PRKAR1A: variants seen among roughly 807,000 people sequenced by gnomAD.
PRKAR1A encodes cAMP-dependent protein kinase type I-alpha regulatory subunit.
Under a neutral mutation model 52.0 loss-of-function variants are expected in PRKAR1A, and 3 were observed. The observed-to-expected ratio is 0.06, with a 90% CI of 0.03 to 0.15. The LOEUF (loss-of-function observed/expected upper bound fraction) is 0.15, where lower values mean the gene tolerates loss of function less well. Ranked by LOEUF, PRKAR1A falls within the 10% of genes least tolerant of loss-of-function variation. PRKAR1A has a pLI of 1.00. For synonymous variants in PRKAR1A, 188 were observed against 168.4 expected (o/e 1.12, Z -0.90); for missense variants, 240 against 477.4 (o/e 0.50, Z 4.63).
the PRKAR1A span, among the ~76,000 whole-genome samples, chr17:68,452,112 G>C: frequency 6.6e-6 from 1 of 152,184 alleles, no homozygotes; most frequent in Non-Finnish European, 1.5e-5. Flanking sequence ...AAATAAGGAA[G>C]TCACATTTCT....
At chr17:68,451,028 T>C in the PRKAR1A span, 1 of 1,294,132 alleles carries the variant, frequency 7.7e-7, no homozygotes, top group Admixed American at 3.0e-5. Context: ...AGGCGCCCTC[T>C]CTGAGCTTGC....
chr17:68,441,401 G>T, the PRKAR1A span, among the ~76,000 whole-genome samples: 2 of 152,232 alleles, frequency 1.3e-5, no homozygotes, highest in Non-Finnish European at 2.9e-5. Flanking sequence ...TTTGTGTGCT[G>T]AAGACAATTA....
the PRKAR1A span, chr17:68,435,614 A>G: frequency 6.2e-7 from 1 of 1,613,858 alleles, no homozygotes; most frequent in South Asian, 1.1e-5. Flanking sequence ...GTGGGAGTGG[A>G]CTCACTTTTT....
chr17:68,486,835 G>T, the PRKAR1A span, among the ~76,000 whole-genome samples: 16 of 151,246 alleles, frequency 1.1e-4, no homozygotes, highest in Admixed American at 1.1e-3. Flanking sequence ...AGTGTTAATG[G>T]GTATACTAAT....
At position 68,528,910 on chromosome 17, in the gene PRKAR1A, A is replaced by G. The variant is rs778165219; in HGVS notation, c.810A>G (p.Ala270=). The G allele has an allele frequency of 5.0e-6, 8 of 1,613,932 alleles. No homozygotes were observed. Among genetic ancestry groups the G allele is most frequent in the Admixed American group, 1.7e-5 (1 of 59,996 alleles). Residue 270 remains alanine (A), a synonymous_variant, in exon 9 of 11, where the codon GCA becomes GCG. Transcript: ENST00000589228. ...GGGAACGTCTTACGGTAGCTGATGC[A>G]TTGGAACCAGTGCAGTTTGAAGATG... ...DKWERLTVAD[A]LEPVQFEDGQ...
downstream of PRKAR1A, chr17:68,535,654 T>A (rs2086076532): frequency 2.2e-6 from 1 of 449,488 alleles, no homozygotes; most frequent in Non-Finnish European, 4.4e-6. Context: ...TGTTAAAGAG[T>A]TGATTTAAAA....
At chr17:68,504,948 T>G in the PRKAR1A span, among the ~76,000 whole-genome samples, 2 of 152,122 alleles carry the variant, frequency 1.3e-5, no homozygotes, top group African/African-American at 4.8e-5. Flanking sequence ...ACATACACCT[T>G]CTATGTACCC....
the PRKAR1A span, chr17:68,457,221 A>G: frequency 1.6e-5 from 19 of 1,211,782 alleles, no homozygotes; most frequent in Non-Finnish European, 2.2e-5. Context: ...TCCGAAGCAG[A>G]CACCGGCCCT....
chr17:68,527,776 CATAG>C, intron 7 of PRKAR1A, 60 bp from the exon 8 acceptor site: 1 of 1,293,782 alleles, frequency 7.7e-7, no homozygotes, highest in South Asian at 1.2e-5. Context: ...TTTATTATTC[CATAG>C]CATTATGTGG....
the PRKAR1A span, chr17:68,430,069 T>C: frequency 1.2e-6 from 2 of 1,614,176 alleles, no homozygotes; most frequent in Non-Finnish European, 1.7e-6. Context: ...TCCTGATGCA[T>C]CATGTCTGAC....
At chr17:68,420,157 T>C in the PRKAR1A span, 1 of 1,609,602 alleles carries the variant, frequency 6.2e-7, no homozygotes, top group Non-Finnish European at 8.5e-7. Flanking sequence ...CTGTCAGGGT[T>C]AGCGAGGCAT....
chr17:68,522,640 A>T (rs1600478141), intron 2 of PRKAR1A, 116 bp from the exon 3 acceptor site: 2 of 701,344 alleles, frequency 2.9e-6, no homozygotes, highest in Non-Finnish European at 4.2e-6. Context: ...CTCTTAACTT[A>T]CATTGTTAAT....
chr17:68,453,048 G>T, the PRKAR1A span: 1 of 1,461,540 alleles, frequency 6.8e-7, no homozygotes, highest in Non-Finnish European at 9.6e-7. Context: ...CAACAGATCT[G>T]TCTGCAAATA....
At chr17:68,470,661 A>AT in the PRKAR1A span, among the ~76,000 whole-genome samples, 2 of 152,256 alleles carry the variant, frequency 1.3e-5, no homozygotes, top group Non-Finnish European at 2.9e-5. Context: ...CCAAAGGTTA[A>AT]TAATTCGTTG....
intron 5 of PRKAR1A, among the ~76,000 whole-genome samples, chr17:68,524,469 C>A (rs1430587526): frequency 1.3e-5 from 2 of 152,114 alleles, no homozygotes; most frequent in African/African-American, 2.4e-5. Flanking sequence ...TCTAGGACTT[C>A]TATAGATTCT....
At chr17:68,421,966 A>G in the PRKAR1A span, 1 of 905,674 alleles carries the variant, frequency 1.1e-6, no homozygotes, top group Non-Finnish European at 1.8e-6. Context: ...GCTCATGGCC[A>G]CAGAATGGTC....
At chr17:68,512,233 G>T (rs78919109), upstream of PRKAR1A, 1,708 of 153,836 alleles carry the variant, frequency 0.011, 18 homozygotes, top group Middle Eastern at 0.02. Flanking sequence ...AAACTGCTGT[G>T]GATAAGGGAC....
chr17:68,473,599 T>C, the PRKAR1A span, among the ~76,000 whole-genome samples: 1,474 of 152,278 alleles, frequency 9.7e-3, 27 homozygotes, highest in African/African-American at 0.033. Flanking sequence ...CTCAGCTCAC[T>C]GCAACCTCTG....
the PRKAR1A span, chr17:68,426,254 G>GC: frequency 2.4e-6 from 2 of 816,924 alleles, no homozygotes; most frequent in South Asian, 1.3e-5. Flanking sequence ...GGGAGCGGGG[G>GC]CTCAAATAAA....
Sources: gnomAD v4.1 joint callset for allele counts (sites outside exome capture counted in the v4.1 genomes callset) on GRCh38, gnomAD v4.1.1 for gene constraint, MANE v1.5 for transcripts, NCBI Gene and HGNC (gene_info 2026-07-23, HGNC 2026-07-21) for gene names.